EMCN: variants seen among roughly 807,000 people sequenced by gnomAD.
EMCN encodes the protein MUC-14.
Under a neutral mutation model 38.4 loss-of-function variants are expected in EMCN, and 37 were observed. The observed-to-expected ratio is 0.96, with a 90% CI of 0.74 to 1.27. EMCN has a LOEUF of 1.27. Among genes scored for constraint, EMCN ranks in the 50% most tolerant of loss-of-function variants. EMCN has a pLI of 0.00. For missense variants in EMCN, 318 were observed against 302.8 expected (o/e 1.05, Z -0.37); for synonymous variants, 95 against 100.8 (o/e 0.94, Z 0.35).
chr4:100,441,602 T>A (rs61210470), intron 5 of EMCN, among the ~76,000 whole-genome samples: 3,193 of 152,336 alleles, frequency 0.021, 120 homozygotes, highest in African/African-American at 0.073. Flanking sequence ...TCTACCTTTG[T>A]AATTTGGTAA....
At chr4:100,423,540 T>C in intron 5 of EMCN, 136 bp from the exon 6 acceptor site, 1 of 640,446 alleles carries the variant, frequency 1.6e-6, no homozygotes, top group African/African-American at 1.8e-5. Flanking sequence ...ATAAATGCAA[T>C]CATAACACTA....
At chr4:100,447,460 G>T in intron 5 of EMCN, 73 bp downstream of exon 5, 3 of 1,009,502 alleles carry the variant, frequency 3.0e-6, no homozygotes, top group South Asian at 1.4e-5. Context: ...CAAACTGATT[G>T]GTGTAATTTG....
chr4:100,486,065 T>C (rs1728933164), intron 1 of EMCN, among the ~76,000 whole-genome samples: 1 of 152,160 alleles, frequency 6.6e-6, no homozygotes, highest in Non-Finnish European at 1.5e-5. Context: ...TATAAATACA[T>C]GTGAAACAAC....
At chr4:100,496,320 A>G (rs569043274) in intron 1 of EMCN, among the ~76,000 whole-genome samples, 9 of 152,250 alleles carry the variant, frequency 5.9e-5, no homozygotes, top group African/African-American at 2.2e-4. Context: ...AAATGTCCTA[A>G]AAACTCTTGT....
At chr4:100,429,237 A>G (rs960944718) in intron 5 of EMCN, among the ~76,000 whole-genome samples, 1 of 152,170 alleles carries the variant, frequency 6.6e-6, no homozygotes, top group Non-Finnish European at 1.5e-5. Context: ...ATTATTGGAG[A>G]GGAAAATAAT....
chr4:100,431,749 GCTCTCTCTCTCTCACTTGCT>G, intron 5 of EMCN, among the ~76,000 whole-genome samples: 1 of 54,326 alleles, frequency 1.8e-5, no homozygotes, highest in East Asian at 3.4e-3. Context: ...CTCCCTTTCT[GCTCTCTCTCTCTCACTTGCT>G]CTCTCTCTCC....
chr4:100,487,455 A>T (rs1035519453), intron 1 of EMCN, among the ~76,000 whole-genome samples: 3 of 152,174 alleles, frequency 2.0e-5, no homozygotes, highest in African/African-American at 7.2e-5. Flanking sequence ...AGGAGGGGAA[A>T]GTAGGAGAGG....
At chr4:100,490,900 T>G (rs2110291875) in intron 1 of EMCN, among the ~76,000 whole-genome samples, 1 of 152,316 alleles carries the variant, frequency 6.6e-6, no homozygotes, top group Admixed American at 6.5e-5. Context: ...TTAATTTGCA[T>G]TTTCCCTAAA....
At chr4:100,472,996 G>GTATA (rs901125315) in intron 3 of EMCN, among the ~76,000 whole-genome samples, 1 of 141,874 alleles carries the variant, frequency 7.0e-6, no homozygotes, top group Non-Finnish European at 1.5e-5. Context: ...TATTCTAGAA[G>GTATA]TATATATATA....
At chr4:100,469,851 AT>A (rs1430919958) in intron 3 of EMCN, among the ~76,000 whole-genome samples, 1 of 151,772 alleles carries the variant, frequency 6.6e-6, no homozygotes, top group African/African-American at 2.4e-5. Flanking sequence ...CTTTGTTCTT[AT>A]TGCCTAGGAT....
At chr4:100,485,015 A>G (rs1728904314) in intron 1 of EMCN, among the ~76,000 whole-genome samples, 1 of 152,136 alleles carries the variant, frequency 6.6e-6, no homozygotes, top group South Asian at 2.1e-4. Flanking sequence ...TGCTCCATAA[A>G]CAAAATTTTG....
intron 11 of EMCN, among the ~76,000 whole-genome samples, 195 bp from the exon 12 acceptor site, chr4:100,398,568 C>T (rs938734893): frequency 2.0e-5 from 3 of 152,054 alleles, no homozygotes; most frequent in East Asian, 1.9e-4. Flanking sequence ...AAGAAAAGCT[C>T]GTTTTCTTTC....
intron 2 of EMCN, among the ~76,000 whole-genome samples, chr4:100,476,119 T>A (rs1013147488): frequency 1.3e-5 from 2 of 152,074 alleles, no homozygotes; most frequent in African/African-American, 4.8e-5. Context: ...TCAACATGAC[T>A]CATCAGTTTG....
chr4:100,420,928 C>T (rs930236), intron 8 of EMCN, among the ~76,000 whole-genome samples: 27,283 of 151,882 alleles, frequency 0.18, 2,662 homozygotes, highest in Middle Eastern at 0.31. Flanking sequence ...TAGCAATCTC[C>T]CTCTTTATTT....
rs909796147 is a variant in EMCN at position 100,448,793 on chromosome 4, A to G, written c.377-1222T>C. Among the ~76,000 whole-genome samples, 12 of 35,482 alleles carry G rather than the reference A, an allele frequency of 3.4e-4. No individual in the cohort carries two copies. In the Admixed American group the frequency reaches 4.2e-3, roughly 12 times the overall value. The allele number at this position is 35,482 out of a possible 152,430, so 23.3% of individuals were successfully genotyped here. A position where few individuals can be genotyped will look rare whatever the true frequency, so the allele number is the denominator to read the frequency against. ...AGGCACAAGGCCCTTTCTGCCTTGA[A>G]GTCTTCCTTCCTTCCTTCCTTCCTT... On this transcript the variant is annotated intron_variant, in intron 4 of 11. Coordinates refer to ENST00000296420, the MANE Select transcript of EMCN (RefSeq NM_016242.4).
intron 1 of EMCN, among the ~76,000 whole-genome samples, chr4:100,514,424 C>G (rs1182223981): frequency 6.6e-6 from 1 of 152,080 alleles, no homozygotes; most frequent in Non-Finnish European, 1.5e-5. Context: ...TATTGACACA[C>G]TCTCAGACTT....
intron 4 of EMCN, among the ~76,000 whole-genome samples, chr4:100,449,276 T>C (rs992824054): frequency 2.6e-5 from 4 of 152,184 alleles, no homozygotes; most frequent in African/African-American, 9.6e-5. Context: ...CAGTTTCATA[T>C]CTTATTAGTT....
At chr4:100,440,317 G>T (rs768182602) in intron 5 of EMCN, among the ~76,000 whole-genome samples, 1 of 152,026 alleles carries the variant, frequency 6.6e-6, no homozygotes, top group Non-Finnish European at 1.5e-5. Flanking sequence ...GGTGAATTCT[G>T]AGGTTTTAGT....
chr4:100,427,880 C>T (rs1727094328), intron 5 of EMCN, among the ~76,000 whole-genome samples: 1 of 152,130 alleles, frequency 6.6e-6, no homozygotes, highest in South Asian at 2.1e-4. Context: ...GACATTCCTT[C>T]CAATTGCTCA....
Sources: gnomAD v4.1 joint callset for allele counts (sites outside exome capture counted in the v4.1 genomes callset) on GRCh38, gnomAD v4.1.1 for gene constraint, MANE v1.5 for transcripts, NCBI Gene and HGNC (gene_info 2026-07-23, HGNC 2026-07-21) for gene names.